CCDC136: variants seen among roughly 807,000 people sequenced by gnomAD.
The protein encoded by CCDC136 is coiled-coil domain-containing protein 136.
Under a neutral mutation model 141.2 loss-of-function variants are expected in CCDC136, and 100 were observed. The observed-to-expected ratio is 0.71, with a 90% CI of 0.60 to 0.84. CCDC136 has a LOEUF of 0.84. Ranked by LOEUF, CCDC136 falls within the 40% of genes least tolerant of loss-of-function variation. CCDC136 has a pLI of 0.00. For missense variants in CCDC136, 1,206 were observed against 1,379.4 expected (o/e 0.87, Z 1.99); for synonymous variants, 474 against 531.9 (o/e 0.89, Z 1.50).
chr7:128,809,323 C>A, intron 10 of CCDC136, 127 bp from the exon 11 acceptor site: 1 of 674,302 alleles, frequency 1.5e-6, no homozygotes, highest in Non-Finnish European at 2.6e-6. Flanking sequence ...CTTGGGGTGA[C>A]CAGTCCAAGG....
rs568097918 is a variant in CCDC136, at chr7:128,796,943, G to A, written c.346+2175G>A. On this transcript the variant is annotated intron_variant, in intron 3 of 17. Coordinates refer to ENST00000297788, the MANE Select transcript of CCDC136 (RefSeq NM_022742.5). Reference sequence around the variant, plus strand: ...TTTTTAGTAGAGACGGGGTTTCACCGTTTTAGCCGGGATGGTCTCGATCTC... The same window carrying A: ...TTTTTAGTAGAGACGGGGTTTCACCATTTTAGCCGGGATGGTCTCGATCTC... Among the ~76,000 whole-genome samples the A allele has an allele frequency of 8.5e-4, 128 of 150,738 alleles. 3 individuals are homozygous for A. Among genetic ancestry groups the A allele is most frequent in the African/African-American group, 2.8e-3 (113 of 40,870 alleles).
chr7:128,814,996 T>A (rs1806371915), intron 15 of CCDC136, 77 bp downstream of exon 15: 1 of 1,233,906 alleles, frequency 8.1e-7, no homozygotes, highest in South Asian at 1.6e-5. Flanking sequence ...TCCACAACCC[T>A]TTCAACCAGG....
intron 10 of CCDC136, chr7:128,809,071 G>A (rs547997150): frequency 1.5e-6 from 1 of 652,682 alleles, no homozygotes; most frequent in Non-Finnish European, 1.9e-6. Context: ...TGGGGTTAAT[G>A]AGAATAACAG....
chr7:128,802,300 A>G (rs2128905650), intron 4 of CCDC136, among the ~76,000 whole-genome samples: 1 of 152,302 alleles, frequency 6.6e-6, no homozygotes, highest in Non-Finnish European at 1.5e-5. Flanking sequence ...TAATCTGAGT[A>G]TAATGGAGGT....
chr7:128,791,405 C>T (rs1447906280), upstream of CCDC136: 1 of 961,532 alleles, frequency 1.0e-6, no homozygotes. This position sits in a 1 kb window ranked among gnomAD's most constrained non-coding sequence, Gnocchi z 7.1. Flanking sequence ...CGTCCGCCCT[C>T]CCTCCCTCCC....
Position 128,815,674 on chromosome 7 carries a change from G to T in CCDC136, c.3106G>T (p.Glu1036Ter). The T allele has an allele frequency of 6.4e-7, 1 of 1,555,740 alleles. No homozygotes were observed. The change falls in exon 16 of 18, where the codon GAG becomes TAG. Residue 1036 changes from glutamate to a stop codon, truncating the protein, a stop_gained. Transcript: ENST00000297788. LOFTEE classifies it high-confidence loss of function. ...GAGGAAATTAGATGGACTAGCAAAA[G>T]AGGAGGAAAAGAAAGAGGAGATGGA... ...SQRKLDGLAK[E>*]EEKKEEMEEE...
chr7:128,806,374 T>G lies in CCDC136; in HGVS notation c.1227T>G (p.Leu409=). Reference sequence around the variant, plus strand: ...AGCTCAAAGTCATGAAATCCACACTTGTAGAAAACCAGAGTGAGAAGGTAA... The same window carrying G: ...AGCTCAAAGTCATGAAATCCACACTGGTAGAAAACCAGAGTGAGAAGGTAA... The part of the protein sequence containing the change: ...LRQLKVMKST[L]VENQSEKELL... Residue 409 remains leucine, a synonymous_variant, in exon 8 of 18, where the codon CTT becomes CTG. Transcript: ENST00000297788. 6.2e-7 allele frequency: 1 copy of G among 1,604,368 alleles called. No homozygotes were observed. Among genetic ancestry groups the G allele is most frequent in the South Asian group, 1.1e-5 (1 of 88,896 alleles).
chr7:128,795,851 C>G (rs1326864319), intron 3 of CCDC136, among the ~76,000 whole-genome samples: 1 of 152,220 alleles, frequency 6.6e-6, no homozygotes, highest in Non-Finnish European at 1.5e-5. Context: ...CAGACCACAT[C>G]TCTGCCCTAA....
intron 12 of CCDC136, 24 bp from the exon 13 acceptor site, chr7:128,811,776 C>T (rs776978240): frequency 1.3e-5 from 20 of 1,540,672 alleles, no homozygotes. Flanking sequence ...AGTAATGATA[C>T]TGTCTCCCCA....
At position 128,821,684 on chromosome 7, in the gene CCDC136, A is replaced by T; in HGVS notation, c.*6-115A>T. ...CTCCACCGGTTACCCAGGAGGTAACAGAGACTGATCCACAATGTTCCTGAG... is the reference window on the plus strand; with the variant it reads ...CTCCACCGGTTACCCAGGAGGTAACTGAGACTGATCCACAATGTTCCTGAG... On this transcript the variant is annotated intron_variant, in intron 17 of 17. Coordinates refer to ENST00000297788, the MANE Select transcript of CCDC136 (RefSeq NM_022742.5). This position sits in a 1 kb window ranked among gnomAD's most constrained non-coding sequence, Gnocchi z 5.1. The T allele has an allele frequency of 1.3e-6, 1 of 746,446 alleles. No individual in the cohort carries two copies. The highest frequency in any genetic ancestry group is 2.0e-6 in the Non-Finnish European group (1 of 508,492). The allele number at this position is 746,446 out of a possible 1,614,324, so 46.2% of individuals were successfully genotyped here.
At position 128,809,560 on chromosome 7, in the gene CCDC136, G is replaced by A; in HGVS notation, c.1716G>A (p.Arg572=). The A allele has an allele frequency of 6.4e-7, 1 of 1,566,554 alleles. No individual in the cohort carries two copies. Among genetic ancestry groups the A allele is most frequent in the South Asian group, 1.2e-5 (1 of 84,842 alleles). Residue 572 remains arginine (R), a synonymous_variant, in exon 11 of 18, where the codon AGG becomes AGA. Coordinates refer to ENST00000297788, the MANE Select transcript of CCDC136 (RefSeq NM_022742.5). ...AGTGTGAGCTCCTGGAGGATCAGAG[G>A]AGGATGCAGGAGGAGCAGGGCCAGC... ...MEQCELLEDQ[R]RMQEEQGQLQ...
Position 128,805,757 on chromosome 7 carries a change from A to G in CCDC136, c.949-4A>G. 1 of 1,611,186 alleles carries G rather than the reference A, an allele frequency of 6.2e-7. No homozygotes were observed. The highest frequency in any genetic ancestry group is 8.5e-7 in the Non-Finnish European group (1 of 1,178,624). Reference sequence around the variant, plus strand: ...CAAGCCTCCCTGTTCCATTTCCCACATAGTGTCAGGAATTGTGTTGTGAGT... The same window carrying G: ...CAAGCCTCCCTGTTCCATTTCCCACGTAGTGTCAGGAATTGTGTTGTGAGT... On this transcript the variant is annotated splice_region_variant and splice_polypyrimidine_tract_variant and intron_variant, in intron 6 of 17. Transcript: ENST00000297788. The surrounding 1 kb of genome is among the most constrained non-coding windows in gnomAD (Gnocchi z 4.6).
At chr7:128,802,474 G>A (rs1344669631) in intron 4 of CCDC136, among the ~76,000 whole-genome samples, 2 of 152,160 alleles carry the variant, frequency 1.3e-5, no homozygotes, top group African/African-American at 4.8e-5. Flanking sequence ...ACAGACCTGA[G>A]TTCAGTATCT....
chr7:128,809,616 C>A lies in CCDC136; in HGVS notation c.1772C>A (p.Pro591Gln). 2 of 1,550,750 alleles carry A rather than the reference C, an allele frequency of 1.3e-6. No individual in the cohort carries two copies. Among genetic ancestry groups the A allele is most frequent in the Non-Finnish European group, 1.7e-6 (2 of 1,147,832 alleles). ...LQEELHRLTL[P>Q]LPKSGLLLKS... Reference sequence around the variant, plus strand: ...GAAGAGCTGCACAGGCTCACACTGCCACTGCCAAAGAGTGGCCTCTTACTC... The same window carrying A: ...GAAGAGCTGCACAGGCTCACACTGCAACTGCCAAAGAGTGGCCTCTTACTC... The change falls in exon 11 of 18, where the codon CCA becomes CAA. Residue 591 changes from proline to glutamine, a missense_variant. Transcript: ENST00000297788.
At position 128,812,912 on chromosome 7, in the gene CCDC136, C is replaced by A. The variant is rs1806001522; in HGVS notation, c.2746C>A (p.Gln916Lys). ...ATGCCTTGAAAAGCCCATGGCCCCC[C>A]AGAACGACAAGAATGAGGTAACCAC... The part of the protein sequence containing the change: ...MECLEKPMAP[Q>K]NDKNEIKELQ... Residue 916 changes from glutamine to lysine, a missense_variant, in exon 14 of 18, where the codon CAG (glutamine) becomes AAG (lysine). Coordinates refer to ENST00000297788, the MANE Select transcript of CCDC136 (RefSeq NM_022742.5). 6.2e-6 allele frequency: 10 copies of A among 1,608,044 alleles called. No homozygotes were observed. The highest frequency in any genetic ancestry group is 7.6e-6 in the Non-Finnish European group (9 of 1,177,240).
intron 3 of CCDC136, among the ~76,000 whole-genome samples, chr7:128,796,951 C>A (rs973855583): frequency 6.6e-6 from 1 of 150,954 alleles, no homozygotes. Flanking sequence ...CCGTTTTAGC[C>A]GGGATGGTCT....
upstream of CCDC136, chr7:128,791,633 C>T: frequency 1.1e-6 from 1 of 928,172 alleles, no homozygotes; most frequent in East Asian, 3.3e-5. This position sits in a 1 kb window ranked among gnomAD's most constrained non-coding sequence, Gnocchi z 7.1. Flanking sequence ...CCCAGGTGCT[C>T]CCGGCCTCCG....
At chr7:128,791,789 T>C, upstream of CCDC136, 1 of 393,936 alleles carries the variant, frequency 2.5e-6, no homozygotes. This position sits in a 1 kb window ranked among gnomAD's most constrained non-coding sequence, Gnocchi z 7.1. Context: ...GTCTCTCCAC[T>C]TCAGTCCGAC....
chr7:128,815,801 A>G lies in CCDC136; in HGVS notation c.3233A>G (p.Gln1078Arg), dbSNP rs372024334. Residue 1078 changes from glutamine to arginine, a missense_variant, in exon 16 of 18, where the codon CAG becomes CGG. Transcript: ENST00000297788. Reference protein sequence around the residue: ...DPEEAKSTEDQEENEEDKEEE... With the variant: ...DPEEAKSTEDREENEEDKEEE... ...GAGGAAGCTAAATCCACAGAAGATCAGGAGGAAAATGAAGAGGACAAAGAG... is the reference window on the plus strand; with the variant it reads ...GAGGAAGCTAAATCCACAGAAGATCGGGAGGAAAATGAAGAGGACAAAGAG... The G allele has an allele frequency of 6.2e-7, 1 of 1,600,072 alleles. No homozygotes were observed. Among genetic ancestry groups the G allele is most frequent in the South Asian group, 1.1e-5 (1 of 88,416 alleles).
Sources: gnomAD v4.1 joint callset for allele counts (sites outside exome capture counted in the v4.1 genomes callset) on GRCh38, gnomAD v4.1.1 for gene constraint, Gnocchi (gnomAD v3.1) non-coding constraint, MANE v1.5 for transcripts, NCBI Gene and HGNC (gene_info 2026-07-23, HGNC 2026-07-21) for gene names.